Variants in FLNB observed in about 807,000 individuals in gnomAD.
FLNB encodes the protein filamin B, also known as filamin-B.
In FLNB, 111 loss-of-function variants were observed where a neutral mutation model predicts 250.6. The ratio of observed to expected loss-of-function variants is 0.44; its 90% CI spans 0.38 to 0.52. The LOEUF (loss-of-function observed/expected upper bound fraction) is 0.52. FLNB is among the 20% of genes least tolerant of loss of function. The probability of loss-of-function intolerance (pLI) is 0.00; values close to 1 mark genes in which losing one functional copy is unlikely to be tolerated. For synonymous variants in FLNB, 1,302 were observed against 1,372.1 expected, an observed-to-expected ratio of 0.95 and a Z score of 1.13; for missense variants, 2,869 against 3,447.8, an observed-to-expected ratio of 0.83 and a Z score of 4.20.
chr3:58,020,156 G>A (rs1292872299), intron 1 of FLNB, among the ~76,000 whole-genome samples: 1 of 151,716 alleles, frequency 6.6e-6, no homozygotes, highest in Non-Finnish European at 1.5e-5. Flanking sequence ...AGCGGACATA[G>A]GCACAGCTAT....
chr3:58,026,441 A>T (rs2097123749), intron 1 of FLNB, among the ~76,000 whole-genome samples: 1 of 152,130 alleles, frequency 6.6e-6, no homozygotes, highest in African/African-American at 2.4e-5. Flanking sequence ...GCACTATCCA[A>T]CTTGGTGTCA....
intron 24 of FLNB, among the ~76,000 whole-genome samples, chr3:58,129,441 GA>G (rs1436679859): frequency 2.0e-5 from 3 of 152,182 alleles, no homozygotes; most frequent in African/African-American, 7.2e-5. Context: ...CTGACTTAAA[GA>G]TTGGCCTCAG....
intron 4 of FLNB, among the ~76,000 whole-genome samples, chr3:58,088,038 C>CTTTTTTTTTT (rs56009116): frequency 1.2e-5 from 1 of 84,520 alleles, no homozygotes; most frequent in Non-Finnish European, 2.1e-5. Flanking sequence ...GGCGCCCAGC[C>CTTTTTTTTTT]TTTTTTTTTT....
At chr3:58,083,802 G>A (rs2097212843) in intron 4 of FLNB, among the ~76,000 whole-genome samples, 1 of 152,202 alleles carries the variant, frequency 6.6e-6, no homozygotes, top group Non-Finnish European at 1.5e-5. Context: ...GTTGTGAGGT[G>A]TGTGAGACAT....
intron 42 of FLNB, 26 bp from the exon 43 acceptor site, chr3:58,163,128 C>A (rs373117697): frequency 1.2e-6 from 2 of 1,613,084 alleles, no homozygotes; most frequent in African/African-American, 1.3e-5. Flanking sequence ...CTTGATTTCA[C>A]CCTGTGCCTT....
intron 19 of FLNB, 112 bp from the exon 20 acceptor site, chr3:58,121,129 G>T: frequency 7.3e-7 from 1 of 1,371,814 alleles, no homozygotes; most frequent in Non-Finnish European, 1.0e-6. Flanking sequence ...GTTGCTTACA[G>T]TGGAGGCTGA....
At chr3:58,117,820 C>G (rs1339796444) in intron 18 of FLNB, among the ~76,000 whole-genome samples, 7 of 151,534 alleles carry the variant, frequency 4.6e-5, no homozygotes, top group Admixed American at 3.9e-4. Context: ...GCCTTTACCC[C>G]CTTCCTTATT....
rs2097166126 is a variant in FLNB at position 58,053,710 on chromosome 3, C to T, written c.293-23336C>T. On this transcript the variant is annotated intron_variant, in intron 1 of 45. Transcript: ENST00000295956. ...ATCTCCTGACCTTGTGATCTGCCCG[C>T]CTCGGCCTCCCAAAGTGCTGGGATT... is the stretch of plus-strand genomic sequence containing the variant. Among the ~76,000 whole-genome samples the T allele has an allele frequency of 2.0e-5, 3 of 152,142 alleles. No homozygotes were observed. In the South Asian group the frequency reaches 6.2e-4, roughly 32 times the overall value.
chr3:58,124,493 C>T lies in FLNB; in HGVS notation c.3886C>T (p.Pro1296Ser), dbSNP rs148350434. The change falls in exon 22 of 46, where the codon CCC (proline) becomes TCC (serine). Residue 1296 changes from proline to serine, a missense_variant. By Grantham distance (74) the Pro-to-Ser change is moderately conservative. This residue lies in a region of FLNB where 1,348 missense variants were observed against 1,466.7 expected (regional missense o/e 0.92). Transcript: ENST00000295956. ...ADGTYQVEYT[P>S]FEKGLHVVEV... ...TGGGACCTACCAGGTGGAATACACA[C>T]CCTTTGAGAAAGGTGAGCCGCCCTG... is the stretch of plus-strand genomic sequence containing the variant. 2.8e-5 allele frequency: 45 copies of T among 1,614,230 alleles called. No individual in the cohort carries two copies. In the African/African-American group the frequency reaches 5.7e-4, roughly 21 times the overall value.
Position 58,028,602 on chromosome 3 carries a change from T to A in FLNB, c.292+19746T>A, listed in dbSNP as rs1435886001. Among the ~76,000 whole-genome samples, 409 of 137,444 alleles carry A rather than the reference T, an allele frequency of 3.0e-3. 2 individuals carry two copies. Among genetic ancestry groups the A allele is most frequent in the African/African-American group, 0.012 (370 of 30,610 alleles). 90.2% of individuals were successfully genotyped at this position (137,444 alleles called of 152,430 possible). On this transcript the variant is annotated intron_variant, in intron 1 of 45. Coordinates refer to ENST00000295956, the MANE Select transcript of FLNB (RefSeq NM_001457.4). ...GAGACCTTATCTCTACCAAAAAAAA[T>A]TTTTTTTTCTTTTCTTTTTTTTTTT...
chr3:58,049,798 C>A (rs1227088443), intron 1 of FLNB, among the ~76,000 whole-genome samples: 3 of 152,132 alleles, frequency 2.0e-5, no homozygotes, highest in African/African-American at 7.2e-5. Flanking sequence ...TGCAGCTCCC[C>A]TTAAATTGGG....
intron 1 of FLNB, among the ~76,000 whole-genome samples, chr3:58,045,672 G>A (rs910354099): frequency 1.3e-5 from 2 of 152,104 alleles, no homozygotes; most frequent in South Asian, 2.1e-4. Flanking sequence ...GCTCACGAAA[G>A]TTCAATAACT....
In FLNB at chr3:58,033,516, C is replaced by T. The variant is rs191447707; in HGVS notation, c.292+24660C>T. ...AAGTGATTCTCCTGCCCTAGCTTCC[C>T]GAGTAGCAGGGATTACAGGCACATG... is the stretch of plus-strand genomic sequence containing the variant. On this transcript the variant is annotated intron_variant, in intron 1 of 45. Coordinates refer to ENST00000295956, the MANE Select transcript of FLNB (RefSeq NM_001457.4). 2.6e-3 allele frequency among the ~76,000 whole-genome samples: 392 copies of T among 152,126 alleles called. 2 individuals carry two copies. Among genetic ancestry groups the T allele is most frequent in the Non-Finnish European group, 2.5e-3 (173 of 68,002 alleles).
intron 19 of FLNB, 97 bp from the exon 20 acceptor site, chr3:58,121,144 A>C: frequency 2.0e-6 from 3 of 1,508,198 alleles, no homozygotes; most frequent in Non-Finnish European, 2.8e-6. Context: ...GGCTGAGATA[A>C]GTCCCCGTGT....
intron 8 of FLNB, among the ~76,000 whole-genome samples, chr3:58,099,788 A>G (rs147012127): frequency 2.1e-3 from 313 of 152,174 alleles, no homozygotes; most frequent in South Asian, 4.2e-3. Context: ...CTGCTTGTGA[A>G]TGTTAGCTGG....
At chr3:58,026,675 A>G (rs554499845) in intron 1 of FLNB, among the ~76,000 whole-genome samples, 92 of 152,274 alleles carry the variant, frequency 6.0e-4, no homozygotes, top group African/African-American at 2.2e-3. Context: ...CCTGATGGAT[A>G]GAAGGAATCT....
chr3:58,156,062 T>C lies in FLNB; in HGVS notation c.6875T>C (p.Val2292Ala), dbSNP rs1291684975. Residue 2292 changes from valine (V) to alanine (A), a missense_variant, in exon 41 of 46, where the codon GTT (valine) becomes GCT (alanine). Physicochemically the swap from Val to Ala is moderately conservative, Grantham distance 64. Around this residue, in one of 5 missense-constraint regions of FLNB, gnomAD observed 1,084 missense variants for 1,315.5 expected, o/e 0.82. Coordinates refer to ENST00000295956, the MANE Select transcript of FLNB (RefSeq NM_001457.4). ...TCCGACGACGCCCGCCGCCTCACTG[T>C]TATGAGCCTTCAGGTGAGATGCAAG... ...APSDDARRLTVMSLQESGLKV... is the reference protein window; with the variant it reads ...APSDDARRLTAMSLQESGLKV... 1 of 1,613,612 alleles carries C rather than the reference T, an allele frequency of 6.2e-7. No individual in the cohort carries two copies. The highest frequency in any genetic ancestry group is 8.5e-7 in the Non-Finnish European group (1 of 1,179,648).
intron 45 of FLNB, 24 bp from the exon 46 acceptor site, chr3:58,170,551 G>A (rs1433029206): frequency 3.1e-6 from 5 of 1,612,632 alleles, no homozygotes; most frequent in South Asian, 1.1e-5. Context: ...CATCCGGGTG[G>A]AGTAACCACC....
At chr3:58,130,958 G>T (rs899377648) in intron 25 of FLNB, 50 bp downstream of exon 25, 1 of 1,568,928 alleles carries the variant, frequency 6.4e-7, no homozygotes, top group Admixed American at 1.8e-5. Flanking sequence ...CCCAGGCAGG[G>T]GCAGCTGTAA....
Sources: gnomAD v4.1 joint callset for allele counts (sites outside exome capture counted in the v4.1 genomes callset) on GRCh38, gnomAD v4.1.1 for gene constraint, gnomAD v4.1.1 regional missense constraint, MANE v1.5 for transcripts, NCBI Gene and HGNC (gene_info 2026-07-23, HGNC 2026-07-21) for gene names.